The following MUCL1 variants were observed in gnomAD, a reference collection of about 807,000 sequenced individuals.
MUCL1 encodes mucin like 1.
In MUCL1, 11 loss-of-function variants were observed where a neutral mutation model predicts 9.2. That is an observed-to-expected ratio of 1.19 (90% CI 0.75 to 1.97). The LOEUF (loss-of-function observed/expected upper bound fraction) is 1.97. MUCL1 is among the 30% of genes most tolerant of loss of function. MUCL1 has a pLI of 0.00. For missense variants in MUCL1, 144 were observed against 110.9 expected (o/e 1.30, Z -1.34); for synonymous variants, 48 against 40.5 (o/e 1.19, Z -0.71).
upstream of MUCL1, among the ~76,000 whole-genome samples, chr12:54,837,762 C>A (rs1959195521): frequency 6.6e-6 from 1 of 152,010 alleles, no homozygotes; most frequent in African/African-American, 2.4e-5. Context: ...GAGTGAGACT[C>A]CGTCTCCAAA....
chr12:54,852,882 AAT>A (rs1868265854), upstream of MUCL1, among the ~76,000 whole-genome samples: 1 of 152,012 alleles, frequency 6.6e-6, no homozygotes, highest in Admixed American at 6.6e-5. Context: ...TTTCCTTCAG[AAT>A]ATGTGTTTTT....
At chr12:54,853,996 T>C (rs1415622043), upstream of MUCL1, among the ~76,000 whole-genome samples, 1 of 152,236 alleles carries the variant, frequency 6.6e-6, no homozygotes, top group East Asian at 1.9e-4. Context: ...AGTGTTGGAC[T>C]CACTCTGCAC....
At chr12:54,830,892 CACAA>C (rs1295373525) in intron 1 of MUCL1, 2 of 152,178 alleles carry the variant, frequency 1.3e-5, no homozygotes, top group Non-Finnish European at 2.9e-5. Context: ...GTTGGATACA[CACAA>C]ACAGCTTCAT....
chr12:54,849,937 T>C (rs546928245), upstream of MUCL1, among the ~76,000 whole-genome samples: 25 of 152,312 alleles, frequency 1.6e-4, no homozygotes, highest in South Asian at 4.8e-3. Context: ...TGAGCCTTCA[T>C]GTCCTCTGCA....
At chr12:54,854,053 C>G (rs554772784), upstream of MUCL1, among the ~76,000 whole-genome samples, 2 of 137,922 alleles carry the variant, frequency 1.5e-5, no homozygotes, top group African/African-American at 2.5e-5. Context: ...GGCCATGACT[C>G]GAAGAATGCA....
intron 1 of MUCL1, among the ~76,000 whole-genome samples, chr12:54,842,897 G>A (rs893050978): frequency 6.6e-6 from 1 of 152,038 alleles, no homozygotes; most frequent in Non-Finnish European, 1.5e-5. Flanking sequence ...ATACAGGATG[G>A]TGGCCCCATA....
At chr12:54,848,731 C>CA (rs1230175460) in intron 1 of MUCL1, among the ~76,000 whole-genome samples, 1 of 152,052 alleles carries the variant, frequency 6.6e-6, no homozygotes, top group Non-Finnish European at 1.5e-5. Context: ...TTGCTTCTGG[C>CA]ATAACAGTCC....
In MUCL1 at chr12:54,844,875, C is replaced by A. The variant is rs191305447; in HGVS notation, c.43+5428C>A. Among the ~76,000 whole-genome samples, 872 of 152,264 alleles carry A rather than the reference C, an allele frequency of 5.7e-3. 6 individuals are homozygous for A. Among genetic ancestry groups the A allele is most frequent in the Non-Finnish European group, 6.2e-3 (421 of 68,018 alleles). On this transcript the variant is annotated intron_variant, in intron 1 of 3. Coordinates refer to the MUCL1 transcript ENST00000546809. ...GATCACTTATTTCTGCAGAAAAAAA[C>A]CACTGCAAAATATCATGACACTACA...
chr12:54,849,982 C>T (rs1452173372), upstream of MUCL1, among the ~76,000 whole-genome samples: 1 of 152,128 alleles, frequency 6.6e-6, no homozygotes, highest in African/African-American at 2.4e-5. Flanking sequence ...GTCTGCTTTC[C>T]CAGCAACTGC....
At chr12:54,834,504 T>C (rs116003358), upstream of MUCL1, among the ~76,000 whole-genome samples, 14 of 152,146 alleles carry the variant, frequency 9.2e-5, no homozygotes, top group African/African-American at 2.6e-4. Flanking sequence ...AAGTTTTGTA[T>C]ATTTAAGGTA....
At chr12:54,834,359 A>T (rs1959189492) in intron 1 of MUCL1, among the ~76,000 whole-genome samples, 1 of 152,070 alleles carries the variant, frequency 6.6e-6, no homozygotes, top group Admixed American at 6.6e-5. Flanking sequence ...TTAAAATTCA[A>T]TCAGTCACTG....
chr12:54,855,726 C>G (rs1023663770), intron 2 of MUCL1, among the ~76,000 whole-genome samples: 2 of 152,170 alleles, frequency 1.3e-5, no homozygotes, highest in Non-Finnish European at 2.9e-5. Flanking sequence ...CATTCTTGGG[C>G]TTCTCCCAAA....
At chr12:54,841,389 A>AT (rs143702069) in intron 1 of MUCL1, among the ~76,000 whole-genome samples, 9 of 152,048 alleles carry the variant, frequency 5.9e-5, no homozygotes, top group East Asian at 1.9e-4. Flanking sequence ...TATGGTAGTT[A>AT]TTTTTTTTAA....
rs1008807306 is a variant in MUCL1, at chr12:54,858,085, G to C, written c.224-108G>C. Reference sequence around the variant, plus strand: ...ATCCCATGTTCCTTTCGAATCCCCTGAGTTTAGTTGACATTTGACACTTGT... The same window carrying C: ...ATCCCATGTTCCTTTCGAATCCCCTCAGTTTAGTTGACATTTGACACTTGT... On this transcript the variant is annotated intron_variant, in intron 3 of 3. Transcript: ENST00000308796. The C allele has an allele frequency of 1.0e-4, 132 of 1,307,392 alleles. 1 individual carries two copies. Among genetic ancestry groups the C allele is most frequent in the Middle Eastern group, 1.8e-4 (1 of 5,460 alleles). The allele number at this position is 1,307,392 out of a possible 1,614,324, so 81.0% of individuals were successfully genotyped here. A position where few individuals can be genotyped will look rare whatever the true frequency, so the allele number is the denominator to read the frequency against.
At chr12:54,831,751 CTG>C (rs1355708048) in intron 1 of MUCL1, among the ~76,000 whole-genome samples, 1 of 152,022 alleles carries the variant, frequency 6.6e-6, no homozygotes, top group Non-Finnish European at 1.5e-5. Context: ...ATATTTGAGT[CTG>C]TTAATTTTTG....
chr12:54,854,107 C>T (rs1193028206), upstream of MUCL1, among the ~76,000 whole-genome samples: 2 of 152,184 alleles, frequency 1.3e-5, no homozygotes, highest in African/African-American at 2.4e-5. Flanking sequence ...GGCTGCTCTA[C>T]CCTGATTATT....
intron 1 of MUCL1, among the ~76,000 whole-genome samples, chr12:54,833,096 T>C (rs1959187510): frequency 6.6e-6 from 1 of 152,056 alleles, no homozygotes. Flanking sequence ...AGAGTAAGAG[T>C]TGCTCATTTG....
At chr12:54,844,223 A>G (rs1450637990) in intron 1 of MUCL1, among the ~76,000 whole-genome samples, 1 of 152,112 alleles carries the variant, frequency 6.6e-6, no homozygotes, top group East Asian at 1.9e-4. Context: ...GAAAGTCTTG[A>G]TGAAGCTACC....
At chr12:54,838,193 G>C (rs551527069), upstream of MUCL1, among the ~76,000 whole-genome samples, 6 of 152,272 alleles carry the variant, frequency 3.9e-5, no homozygotes, top group African/African-American at 1.2e-4. Context: ...ATAAAACTTA[G>C]TTTTGCTTGA....
Sources: gnomAD v4.1 joint callset for allele counts (sites outside exome capture counted in the v4.1 genomes callset) on GRCh38, gnomAD v4.1.1 for gene constraint, MANE v1.5 for transcripts, NCBI Gene and HGNC (gene_info 2026-07-23, HGNC 2026-07-21) for gene names.